Variants in KAZN observed in about 807,000 individuals in gnomAD.
KAZN encodes the protein kazrin, periplakin interacting protein.
KAZN carries 40 observed loss-of-function variants against 87.4 expected under a neutral mutation model. That is an observed-to-expected ratio of 0.46 (90% CI 0.36 to 0.60). The LOEUF (loss-of-function observed/expected upper bound fraction) is 0.60, where lower values mean the gene tolerates loss of function less well. Among genes scored for constraint, KAZN ranks in the 20% least tolerant of loss-of-function variants. The pLI is 0.00. For synonymous variants in KAZN, 466 were observed against 458.3 expected (o/e 1.02, Z -0.22); for missense variants, 898 against 1,073.9 (o/e 0.84, Z 2.29).
chr1:13,963,971 C>T (rs1055370534), intron 1 of KAZN, among the ~76,000 whole-genome samples: 3 of 152,192 alleles, frequency 2.0e-5, no homozygotes, highest in African/African-American at 7.2e-5. Flanking sequence ...ATAAGAGTAT[C>T]TACCTCCTAA....
chr1:14,340,887 C>CTTTTTTTT (rs1557650364), intron 2 of KAZN, among the ~76,000 whole-genome samples: 35 of 45,108 alleles, frequency 7.8e-4, no homozygotes, highest in African/African-American at 4.1e-3. Context: ...CATGATTTTC[C>CTTTTTTTT]CTTTTTTTTT....
chr1:15,102,832 T>C (rs1414023867), intron 11 of KAZN, among the ~76,000 whole-genome samples: 1 of 152,172 alleles, frequency 6.6e-6, no homozygotes, highest in Non-Finnish European at 1.5e-5. Flanking sequence ...AGCTCCCTGT[T>C]AGTGGAGCGA....
At chr1:14,657,879 TTTTTG>T (rs1176902777) in intron 1 of KAZN, among the ~76,000 whole-genome samples, 1 of 152,146 alleles carries the variant, frequency 6.6e-6, no homozygotes, top group Non-Finnish European at 1.5e-5. Flanking sequence ...TGCTCCTAGT[TTTTTG>T]TTTTATTTTG....
Position 14,139,945 on chromosome 1 carries a change from G to A in KAZN, c.92-40490G>A, listed in dbSNP as rs1273828850. Among the ~76,000 whole-genome samples, 23 of 55,968 alleles carry A rather than the reference G, an allele frequency of 4.1e-4. 2 individuals are homozygous for A. The South Asian group carries it at 0.01, about 25-fold the overall frequency. 36.7% of individuals were successfully genotyped at this position (55,968 alleles called of 152,430 possible). The stretch of plus-strand genomic sequence containing the variant: ...GAGGTAAATGTGTGTGTGTGTGTGT[G>A]TGTGTGTGTGTGTGTGTGTGTGTGG... On this transcript the variant is annotated intron_variant, in intron 1 of 16. Coordinates refer to the KAZN transcript ENST00000636203.
At chr1:14,222,966 G>A (rs898120174) in intron 2 of KAZN, 4 of 152,034 alleles carry the variant, frequency 2.6e-5, no homozygotes, top group African/African-American at 9.7e-5. Flanking sequence ...AAATAGATAG[G>A]TTTAAATAAA....
At chr1:14,039,125 C>T (rs1479412102) in intron 1 of KAZN, among the ~76,000 whole-genome samples, 5 of 148,376 alleles carry the variant, frequency 3.4e-5, no homozygotes, top group Non-Finnish European at 4.4e-5. Flanking sequence ...GAGCCAAGAT[C>T]GTGCCACTGC....
chr1:14,636,138 C>T (rs992825440), intron 1 of KAZN, among the ~76,000 whole-genome samples: 3 of 152,132 alleles, frequency 2.0e-5, no homozygotes, highest in Non-Finnish European at 2.9e-5. Flanking sequence ...GCTTGGCCAC[C>T]AGAACAACTG....
chr1:14,928,943 G>A (rs1025549544), intron 1 of KAZN, among the ~76,000 whole-genome samples: 8 of 152,196 alleles, frequency 5.3e-5, no homozygotes, highest in Non-Finnish European at 7.3e-5. Flanking sequence ...CTGGTGGCAC[G>A]CCATAGTGGG....
intron 2 of KAZN, among the ~76,000 whole-genome samples, chr1:14,968,148 C>T (rs944436230): frequency 1.3e-5 from 2 of 151,920 alleles, no homozygotes; most frequent in Non-Finnish European, 1.5e-5. Flanking sequence ...AGCTTGTTTT[C>T]CTGCAACTAG....
At chr1:14,063,956 G>T (rs776903119) in intron 1 of KAZN, among the ~76,000 whole-genome samples, 5 of 102,280 alleles carry the variant, frequency 4.9e-5, no homozygotes, top group Admixed American at 4.1e-4. Flanking sequence ...CCTCTCTCTC[G>T]CCCAGGCTCG....
At chr1:14,700,445 T>C (rs931021200) in intron 1 of KAZN, among the ~76,000 whole-genome samples, 3 of 151,372 alleles carry the variant, frequency 2.0e-5, no homozygotes, top group Non-Finnish European at 4.4e-5. Context: ...CACTCCAGCC[T>C]GGGCTACAGA....
intron 2 of KAZN, among the ~76,000 whole-genome samples, chr1:14,433,056 A>G (rs536999985): frequency 6.6e-6 from 1 of 152,192 alleles, no homozygotes; most frequent in African/African-American, 2.4e-5. Flanking sequence ...GGATCTCATA[A>G]CACTCCTCCC....
Position 14,522,729 on chromosome 1 carries a change from TA to T in KAZN, c.250-76252del, listed in dbSNP as rs144857037. On this transcript the variant is annotated intron_variant, in intron 2 of 16. Coordinates refer to the KAZN transcript ENST00000636203. Reference sequence around the variant, plus strand: ...ACCGGGATACTTAACATGTGTTGTATAACTCATCGGAGAAAATATAGATCTT... The same window carrying T: ...ACCGGGATACTTAACATGTGTTGTATACTCATCGGAGAAAATATAGATCTT... Among the ~76,000 whole-genome samples, 1,072 of 152,368 alleles carry T rather than the reference TA, an allele frequency of 7.0e-3. 11 individuals carry two copies. The highest frequency in any genetic ancestry group is 0.025 in the African/African-American group (1,021 of 41,592).
chr1:14,339,035 A>G (rs150969486), intron 2 of KAZN, among the ~76,000 whole-genome samples: 1 of 152,272 alleles, frequency 6.6e-6, no homozygotes, highest in East Asian at 1.9e-4. Context: ...AAAGAAAAAA[A>G]GAAACTCTCA....
chr1:14,749,476 G>A (rs1180007162), intron 1 of KAZN, among the ~76,000 whole-genome samples: 1 of 152,202 alleles, frequency 6.6e-6, no homozygotes, highest in African/African-American at 2.4e-5. Flanking sequence ...CTTCAGGAGA[G>A]GGCTTCAGTT....
intron 2 of KAZN, among the ~76,000 whole-genome samples, chr1:14,444,447 G>A (rs1038417947): frequency 1.3e-5 from 2 of 151,482 alleles, no homozygotes; most frequent in African/African-American, 4.9e-5. Context: ...CGAGTAGCTG[G>A]GATTACAGGT....
At chr1:14,670,627 C>T (rs945678258) in intron 1 of KAZN, among the ~76,000 whole-genome samples, 1 of 152,140 alleles carries the variant, frequency 6.6e-6, no homozygotes, top group Non-Finnish European at 1.5e-5. Flanking sequence ...TTGAACAGGC[C>T]TTCCAAATGA....
intron 1 of KAZN, among the ~76,000 whole-genome samples, chr1:14,607,653 A>G (rs910018865): frequency 2.0e-4 from 31 of 152,294 alleles, no homozygotes; most frequent in African/African-American, 7.2e-4. Flanking sequence ...CTTAGTGCTG[A>G]GCCATGTTCA....
intron 7 of KAZN, among the ~76,000 whole-genome samples, chr1:15,064,865 T>A (rs1308198927): frequency 6.6e-6 from 1 of 152,184 alleles, no homozygotes; most frequent in African/African-American, 2.4e-5. Flanking sequence ...CCACAGGCAG[T>A]GGCCGAGTGC....
Sources: allele counts gnomAD v4.1 joint callset (sites outside exome capture counted in the v4.1 genomes callset), GRCh38; gene constraint gnomAD v4.1.1; transcripts MANE v1.5; gene names NCBI Gene and HGNC (gene_info 2026-07-23, HGNC 2026-07-21).